MTOR: variants seen among roughly 807,000 people sequenced by gnomAD.
The protein encoded by MTOR is serine/threonine-protein kinase mTOR.
In MTOR, 70 loss-of-function variants were observed where a neutral mutation model predicts 319.8. The observed-to-expected ratio is 0.22, with a 90% CI of 0.18 to 0.27. The LOEUF is 0.27. MTOR is among the 10% of genes least tolerant of loss of function. The pLI is 1.00. For synonymous variants in MTOR, 1,183 were observed against 1,211.4 expected (o/e 0.98, Z 0.49); for missense variants, 1,890 against 3,274.4 (o/e 0.58, Z 10.32).
chr1:11,195,743 A>T (rs1323127057), intron 28 of MTOR: 3 of 152,772 alleles, frequency 2.0e-5, no homozygotes, highest in African/African-American at 7.2e-5. Flanking sequence ...AACTGCCTTA[A>T]AATATTCATA....
intron 23 of MTOR, among the ~76,000 whole-genome samples, chr1:11,211,584 CT>C (rs1646315131): frequency 1.3e-5 from 2 of 152,084 alleles, no homozygotes; most frequent in South Asian, 4.1e-4. Flanking sequence ...TGGAGTTGGT[CT>C]CCAACTCCTG....
intron 14 of MTOR, among the ~76,000 whole-genome samples, chr1:11,233,709 G>T (rs1557459614): frequency 6.6e-6 from 1 of 152,200 alleles, no homozygotes; most frequent in African/African-American, 2.4e-5. Context: ...TAATGTGAAA[G>T]TATTTCTCAT....
intron 19 of MTOR, among the ~76,000 whole-genome samples, chr1:11,222,312 T>C (rs1646694409): frequency 6.6e-6 from 1 of 152,040 alleles, no homozygotes; most frequent in Admixed American, 6.6e-5. Context: ...TTCTCCTGTC[T>C]CAGCCTCCCA....
At chr1:11,149,957 C>T (rs904770492) in intron 31 of MTOR, among the ~76,000 whole-genome samples, 169 bp downstream of exon 31, 1 of 152,180 alleles carries the variant, frequency 6.6e-6, no homozygotes, top group African/African-American at 2.4e-5. Context: ...TAATAAAAAT[C>T]ATCAGGTAGA....
chr1:11,177,785 TGG>T (rs548072925), intron 28 of MTOR, among the ~76,000 whole-genome samples: 172 of 151,980 alleles, frequency 1.1e-3, no homozygotes, highest in African/African-American at 3.9e-3. Context: ...CGTGGGGGAA[TGG>T]GGGCGCGTGT....
At chr1:11,249,487 G>A (rs946730173) in intron 6 of MTOR, among the ~76,000 whole-genome samples, 2 of 149,824 alleles carry the variant, frequency 1.3e-5, no homozygotes, top group Non-Finnish European at 3.0e-5. Flanking sequence ...GCAGGGTCAT[G>A]GGACAATAGT....
intron 15 of MTOR, 109 bp downstream of exon 15, chr1:11,233,289 A>C (rs1647083774): frequency 2.0e-6 from 2 of 1,016,348 alleles, no homozygotes; most frequent in Non-Finnish European, 3.0e-6. Context: ...GTTCCGCAAT[A>C]AATATGTGAG....
intron 49 of MTOR, among the ~76,000 whole-genome samples, chr1:11,120,171 G>T (rs1025876191): frequency 6.6e-6 from 1 of 151,898 alleles, no homozygotes; most frequent in Non-Finnish European, 1.5e-5. Flanking sequence ...CATTCTCCTG[G>T]ATTCAAATGA....
chr1:11,132,974 A>G, intron 38 of MTOR, 106 bp downstream of exon 38: 1 of 942,306 alleles, frequency 1.1e-6, no homozygotes, highest in Non-Finnish European at 1.7e-6. Context: ...GAGTAAGTTC[A>G]CAGCATCAGC....
At chr1:11,140,087 G>A (rs1197697543) in intron 34 of MTOR, among the ~76,000 whole-genome samples, 3 of 152,036 alleles carry the variant, frequency 2.0e-5, no homozygotes, top group Non-Finnish European at 4.4e-5. Context: ...GGCTCCCAAA[G>A]TTCTGGGATT....
rs559186235 is a variant in MTOR, at chr1:11,117,200, G to A, written c.6934-114C>T. On this transcript the variant is annotated intron_variant, in intron 49 of 57. Transcript: ENST00000361445. Reference sequence around the variant, plus strand: ...TTTTGAGACCGAGTCTCGCTCTGTCGCCCAGGCTGGAAGGCAGTGGTGCTA... The same window carrying A: ...TTTTGAGACCGAGTCTCGCTCTGTCACCCAGGCTGGAAGGCAGTGGTGCTA... The A allele has an allele frequency of 1.6e-4, 138 of 842,432 alleles. 1 individual carries two copies. Among genetic ancestry groups the A allele is most frequent in the South Asian group, 1.6e-3 (84 of 53,808 alleles). The allele number at this position is 842,432 out of a possible 1,614,324, so 52.2% of individuals were successfully genotyped here.
At chr1:11,236,127 T>C (rs1450058673) in intron 13 of MTOR, among the ~76,000 whole-genome samples, 1 of 151,680 alleles carries the variant, frequency 6.6e-6, no homozygotes, top group Non-Finnish European at 1.5e-5. Flanking sequence ...GAGGTATTTC[T>C]TATTTTTTCC....
At chr1:11,141,085 G>A (rs1643678751) in intron 34 of MTOR, among the ~76,000 whole-genome samples, 2 of 151,068 alleles carry the variant, frequency 1.3e-5, no homozygotes, top group East Asian at 3.9e-4. Flanking sequence ...ATACACAGAA[G>A]GGGAAATGCT....
At chr1:11,217,943 AAAG>A (rs1274192667) in intron 19 of MTOR, among the ~76,000 whole-genome samples, 1 of 152,144 alleles carries the variant, frequency 6.6e-6, no homozygotes, top group East Asian at 1.9e-4. Context: ...GATTGGGCTT[AAAG>A]AAGAGTTTGA....
intron 19 of MTOR, 130 bp downstream of exon 19, chr1:11,228,538 G>A: frequency 1.6e-6 from 2 of 1,237,308 alleles, no homozygotes; most frequent in South Asian, 1.4e-5. Context: ...TATATGTTGG[G>A]AGTTAAGGGG....
Position 11,109,003 on chromosome 1 carries a change from G to T in MTOR, c.7528+287C>A, listed in dbSNP as rs771786492. On this transcript the variant is annotated intron_variant, in intron 56 of 57. Transcript: ENST00000361445. The surrounding 1 kb of genome is among the most constrained non-coding windows in gnomAD (Gnocchi z 4.0). Reference sequence around the variant, plus strand: ...AACTGTCTCAAACAAACAAAAAAAAGACATGATTAAAAAACACTTCTCTGA... The same window carrying T: ...AACTGTCTCAAACAAACAAAAAAAATACATGATTAAAAAACACTTCTCTGA... 1.3e-5 allele frequency among the ~76,000 whole-genome samples: 2 copies of T among 152,036 alleles called. No individual in the cohort carries two copies. Among genetic ancestry groups the T allele is most frequent in the Non-Finnish European group, 2.9e-5 (2 of 67,982 alleles).
At chr1:11,251,353 C>T (rs1172654366) in intron 6 of MTOR, among the ~76,000 whole-genome samples, 2 of 152,206 alleles carry the variant, frequency 1.3e-5, no homozygotes, top group Admixed American at 1.3e-4. Flanking sequence ...TTCTAACCTC[C>T]TTCATGGCTG....
rs770744598 is a variant in MTOR, at chr1:11,114,376, G to T, written c.7242C>A (p.Val2414=). Residue 2414 remains valine (V), a synonymous_variant, in exon 53 of 58, where the codon GTC becomes GTA. Coordinates refer to ENST00000361445, the MANE Select transcript of MTOR (RefSeq NM_004958.4). ...MEVLREHKDS[V]MAVLEAFVYD... Reference sequence around the variant, plus strand: ...AGACAAAGGCTTCCAGCACGGCCATGACACTGTCCTTGTGCTCTCGCAGCA... The same window carrying T: ...AGACAAAGGCTTCCAGCACGGCCATTACACTGTCCTTGTGCTCTCGCAGCA... 2 of 1,614,194 alleles carry T rather than the reference G, an allele frequency of 1.2e-6. No homozygotes were observed. Among genetic ancestry groups the T allele is most frequent in the Non-Finnish European group, 1.7e-6 (2 of 1,180,038 alleles).
intron 28 of MTOR, among the ~76,000 whole-genome samples, chr1:11,173,529 T>G (rs1294972528): frequency 6.6e-6 from 1 of 152,124 alleles, no homozygotes; most frequent in East Asian, 1.9e-4. Context: ...GTGATCTGCC[T>G]GTCTCAGCCT....
Sources: gnomAD v4.1 joint callset for allele counts (sites outside exome capture counted in the v4.1 genomes callset) on GRCh38, gnomAD v4.1.1 for gene constraint, Gnocchi (gnomAD v3.1) non-coding constraint, MANE v1.5 for transcripts, NCBI Gene and HGNC (gene_info 2026-07-23, HGNC 2026-07-21) for gene names.